CTNNA1: variants seen among roughly 807,000 people sequenced by gnomAD.
CTNNA1 encodes the protein catenin alpha 1.
In CTNNA1, 37 loss-of-function variants were observed where a neutral mutation model predicts 98.4. The ratio of observed to expected loss-of-function variants is 0.38; its 90% confidence interval spans 0.29 to 0.49. CTNNA1 has a LOEUF of 0.49. Ranked by LOEUF, CTNNA1 falls within the 20% of genes least tolerant of loss-of-function variation. The pLI, the probability that CTNNA1 is intolerant of heterozygous loss-of-function variation, is 0.95. For synonymous variants in CTNNA1, 404 were observed against 413.2 expected (o/e 0.98, Z 0.27); for missense variants, 761 against 1,147.2 (o/e 0.66, Z 4.86).
At chr5:138,927,747 A>G (rs1764440878) in intron 13 of CTNNA1, among the ~76,000 whole-genome samples, 1 of 151,718 alleles carries the variant, frequency 6.6e-6, no homozygotes, top group Admixed American at 6.6e-5. Flanking sequence ...TGAATGAATG[A>G]GAGTACTCGG....
Position 138,873,297 on chromosome 5 carries a change from G to T in CTNNA1, c.1063-12915G>T. 1 of 1,614,016 alleles carries T rather than the reference G, an allele frequency of 6.2e-7. No homozygotes were observed. The highest frequency in any genetic ancestry group is 8.5e-7 in the Non-Finnish European group (1 of 1,179,888). ...AAAGCCATTGTTCCCGTAATTACCC[G>T]CTGAGTGAAGATGGCATTGTCTGGT... is the stretch of plus-strand genomic sequence containing the variant. On this transcript the variant is annotated intron_variant, in intron 7 of 17. Transcript: ENST00000302763. This position sits in a 1 kb window ranked among gnomAD's most constrained non-coding sequence, Gnocchi z 6.1.
intron 1 of CTNNA1, among the ~76,000 whole-genome samples, chr5:138,765,906 G>A (rs978109768): frequency 6.7e-5 from 9 of 133,752 alleles, no homozygotes; most frequent in South Asian, 4.8e-4. Flanking sequence ...CCAAGATCGC[G>A]CCACTGCACT....
In CTNNA1 at chr5:138,901,139, GCTCCC is replaced by G. The variant is rs371374989; in HGVS notation, c.1297-3196_1297-3192del. 2.3e-3 allele frequency among the ~76,000 whole-genome samples: 349 copies of G among 151,712 alleles called. 4 individuals are homozygous for G. Among genetic ancestry groups the G allele is most frequent in the African/African-American group, 8.2e-3 (338 of 41,342 alleles). On this transcript the variant is annotated intron_variant, in intron 9 of 17. Coordinates refer to ENST00000302763, the MANE Select transcript of CTNNA1 (RefSeq NM_001903.5). Reference sequence around the variant, plus strand: ...TTTCTTTTCTCTTCTCTTCTCTTCCGCTCCCCTCCCCTCCCCTCTTTTCTCTTTTC... The same window carrying G: ...TTTCTTTTCTCTTCTCTTCTCTTCCGCTCCCCTCCCCTCTTTTCTCTTTTC...
chr5:138,766,881 C>T (rs754770923), intron 1 of CTNNA1, among the ~76,000 whole-genome samples: 38 of 151,924 alleles, frequency 2.5e-4, no homozygotes, highest in Non-Finnish European at 4.3e-4. Context: ...GGGGTTTGCT[C>T]CTTTACCTTT....
At chr5:138,880,467 C>T (rs1328540121) in intron 7 of CTNNA1, among the ~76,000 whole-genome samples, 1 of 152,178 alleles carries the variant, frequency 6.6e-6, no homozygotes, top group African/African-American at 2.4e-5. Flanking sequence ...AAAGCACAGG[C>T]TGAAATGTTT....
At chr5:138,783,953 A>G (rs1226373505) in intron 3 of CTNNA1, among the ~76,000 whole-genome samples, 2 of 152,222 alleles carry the variant, frequency 1.3e-5, no homozygotes, top group African/African-American at 4.8e-5. Context: ...CAGAATTGAT[A>G]AAAAGTAAAA....
rs2149775892 is a variant in CTNNA1, at chr5:138,824,623, T to A, written c.682T>A (p.Cys228Ser). 2.5e-6 allele frequency: 4 copies of A among 1,614,214 alleles called. No individual in the cohort carries two copies. The highest frequency in any genetic ancestry group is 3.4e-6 in the Non-Finnish European group (4 of 1,180,046). ...VPILYTASQA[C>S]LQHPDVAAYK... The stretch of plus-strand genomic sequence containing the variant: ...GATCCTCTATACTGCATCCCAGGCA[T>A]GCCTACAGCACCCTGATGTCGCAGC... Residue 228 changes from cysteine to serine, a missense_variant, in exon 6 of 18, where the codon TGC becomes AGC. Transcript: ENST00000302763.
chr5:138,777,775 G>GC (rs1754520819), intron 1 of CTNNA1, among the ~76,000 whole-genome samples: 1 of 150,828 alleles, frequency 6.6e-6, no homozygotes, highest in Non-Finnish European at 1.5e-5. Context: ...GGAGAATCAG[G>GC]CAGGGAGGCT....
chr5:138,771,195 T>A (rs1351730355), intron 1 of CTNNA1, among the ~76,000 whole-genome samples: 1 of 151,918 alleles, frequency 6.6e-6, no homozygotes, highest in Non-Finnish European at 1.5e-5. Flanking sequence ...GAGTGAAGGC[T>A]AAATGGTTGG....
At chr5:138,904,118 A>G (rs1177755010) in intron 9 of CTNNA1, among the ~76,000 whole-genome samples, 1 of 152,196 alleles carries the variant, frequency 6.6e-6, no homozygotes, top group African/African-American at 2.4e-5. Context: ...GGATCTTTCA[A>G]GGTTTTGCCA....
chr5:138,896,067 T>C (rs573329385), intron 9 of CTNNA1, among the ~76,000 whole-genome samples: 26 of 152,214 alleles, frequency 1.7e-4, no homozygotes, highest in Non-Finnish European at 3.8e-4. Flanking sequence ...TGGAAGTGTT[T>C]TATGATGCCT....
chr5:138,761,698 T>C (rs1752397543), intron 1 of CTNNA1, among the ~76,000 whole-genome samples: 1 of 152,198 alleles, frequency 6.6e-6, no homozygotes, highest in South Asian at 2.1e-4. Context: ...AATTATTCTT[T>C]CTACCTTCTC....
chr5:138,824,920 T>TTAA (rs1760489931), intron 6 of CTNNA1, 121 bp downstream of exon 6: 14 of 883,288 alleles, frequency 1.6e-5, no homozygotes, highest in Non-Finnish European at 2.3e-5. Context: ...ATCTTTAATC[T>TTAA]AAGTCAAAAG....
intron 8 of CTNNA1, among the ~76,000 whole-genome samples, chr5:138,886,648 TG>T (rs1754091196): frequency 6.6e-6 from 1 of 152,188 alleles, no homozygotes; most frequent in Admixed American, 6.5e-5. Context: ...GTTGTTTATC[TG>T]ACTTGCCCTA....
At chr5:138,909,498 C>G (rs1760077997) in intron 10 of CTNNA1, among the ~76,000 whole-genome samples, 1 of 151,930 alleles carries the variant, frequency 6.6e-6, no homozygotes, top group Non-Finnish European at 1.5e-5. Flanking sequence ...GCTGGGACCA[C>G]AGGTGGACTC....
At chr5:138,781,416 C>T (rs1487034249) in intron 1 of CTNNA1, among the ~76,000 whole-genome samples, 8 of 152,026 alleles carry the variant, frequency 5.3e-5, no homozygotes, top group Admixed American at 2.0e-4. Context: ...ATTAGCCGGG[C>T]GTGGTGGCGG....
chr5:138,814,762 GT>G (rs112818745), intron 5 of CTNNA1, among the ~76,000 whole-genome samples: 2 of 149,524 alleles, frequency 1.3e-5, no homozygotes, highest in African/African-American at 4.9e-5. Flanking sequence ...GTTTTTTTTT[GT>G]TTTTTTTTGT....
intron 14 of CTNNA1, among the ~76,000 whole-genome samples, chr5:138,929,584 A>T (rs1046202142): frequency 6.6e-6 from 1 of 152,202 alleles, no homozygotes; most frequent in African/African-American, 2.4e-5. Context: ...CCTGAGCTTT[A>T]GTTTATGATA....
intron 8 of CTNNA1, among the ~76,000 whole-genome samples, 161 bp downstream of exon 8, chr5:138,886,453 T>C (rs947442145): frequency 6.6e-6 from 1 of 152,202 alleles, no homozygotes; most frequent in African/African-American, 2.4e-5. Flanking sequence ...TGCTTCTTAA[T>C]GGCTAATCAA....
Sources: gnomAD v4.1 joint callset for allele counts (sites outside exome capture counted in the v4.1 genomes callset) on GRCh38, gnomAD v4.1.1 for gene constraint, Gnocchi (gnomAD v3.1) non-coding constraint, MANE v1.5 for transcripts, NCBI Gene and HGNC (gene_info 2026-07-23, HGNC 2026-07-21) for gene names.